The following RBFOX1 variants were observed in gnomAD, a reference collection of about 807,000 sequenced individuals.
RBFOX1 encodes the protein RNA binding fox-1 homolog 1.
A neutral mutation model predicts 57.7 loss-of-function variants in RBFOX1; 8 were observed. The ratio of observed to expected loss-of-function variants is 0.14; its 90% CI spans 0.08 to 0.25. RBFOX1 has a LOEUF of 0.25. RBFOX1 is among the 10% of genes least tolerant of loss of function. The pLI, the probability that RBFOX1 is intolerant of heterozygous loss-of-function variation, is 1.00. For missense variants in RBFOX1, 611 were observed against 548.5 expected (o/e 1.11, Z -1.14); for synonymous variants, 326 against 222.4 (o/e 1.47, Z -4.15).
intron 4 of RBFOX1, among the ~76,000 whole-genome samples, chr16:7,134,550 TC>T (rs1192849171): frequency 1.3e-5 from 2 of 152,180 alleles, no homozygotes; most frequent in Non-Finnish European, 2.9e-5. Flanking sequence ...ATTCACAGTT[TC>T]CAAATTGCTA....
At chr16:7,015,401 G>C (rs915370923) in intron 3 of RBFOX1, among the ~76,000 whole-genome samples, 4 of 152,226 alleles carry the variant, frequency 2.6e-5, no homozygotes, top group South Asian at 2.1e-4. Flanking sequence ...AAAGAAACTT[G>C]AGCCGTATTA....
In RBFOX1 at chr16:6,692,508, A is replaced by T. The variant is rs1022261144; in HGVS notation, c.-16+37858A>T. On this transcript the variant is annotated intron_variant, in intron 3 of 15. Transcript: ENST00000550418. ...CCTGTGGCCTAACAAAGAAACAAAC[A>T]GCATGTGTCGGCCTCCTGGTTCCTC... is the stretch of plus-strand genomic sequence containing the variant. 2.0e-5 allele frequency among the ~76,000 whole-genome samples: 3 copies of T among 152,190 alleles called. No individual in the cohort carries two copies. The South Asian group carries it at 6.2e-4, about 31-fold the overall frequency.
intron 2 of RBFOX1, among the ~76,000 whole-genome samples, chr16:6,323,875 C>G (rs1445502465): frequency 3.3e-5 from 5 of 151,988 alleles, no homozygotes; most frequent in Admixed American, 3.3e-4. Flanking sequence ...AAGATTCAAG[C>G]TATTCTTGTG....
intron 4 of RBFOX1, among the ~76,000 whole-genome samples, chr16:7,229,615 G>A (rs1426202973): frequency 3.2e-5 from 4 of 126,818 alleles, no homozygotes; most frequent in Non-Finnish European, 6.4e-5. Context: ...GGAAGGAGAA[G>A]AAAGATGGAG....
intron 2 of RBFOX1, among the ~76,000 whole-genome samples, chr16:6,558,479 A>C (rs1437862590): frequency 6.6e-6 from 1 of 152,022 alleles, no homozygotes; most frequent in Non-Finnish European, 1.5e-5. Context: ...GAACTGTATG[A>C]CTTGAGTCAT....
intron 4 of RBFOX1, among the ~76,000 whole-genome samples, chr16:7,366,299 G>A (rs1431656851): frequency 6.6e-6 from 1 of 152,232 alleles, no homozygotes; most frequent in Non-Finnish European, 1.5e-5. Context: ...ATGTCACTTA[G>A]CCATTGCCAG....
At chr16:6,536,341 T>C (rs1599160847) in intron 2 of RBFOX1, among the ~76,000 whole-genome samples, 1 of 152,222 alleles carries the variant, frequency 6.6e-6, no homozygotes, top group East Asian at 1.9e-4. Context: ...ATTTATGTTT[T>C]TACCAGCATG....
intron 3 of RBFOX1, among the ~76,000 whole-genome samples, chr16:5,793,028 C>T (rs1214756371): frequency 2.0e-5 from 3 of 152,132 alleles, no homozygotes; most frequent in Non-Finnish European, 4.4e-5. Flanking sequence ...GAAATGAACC[C>T]CTGCAGTTCA....
intron 4 of RBFOX1, among the ~76,000 whole-genome samples, chr16:5,919,100 C>T (rs1360135593): frequency 6.6e-6 from 1 of 152,152 alleles, no homozygotes; most frequent in African/African-American, 2.4e-5. Context: ...CCTGATAGCA[C>T]ATAGGTACCT....
At chr16:7,374,979 A>C (rs765735127) in intron 4 of RBFOX1, among the ~76,000 whole-genome samples, 1 of 152,250 alleles carries the variant, frequency 6.6e-6, no homozygotes, top group South Asian at 2.1e-4. Context: ...TGTGTACAAC[A>C]TCTGTCTTGG....
intron 2 of RBFOX1, among the ~76,000 whole-genome samples, chr16:6,496,739 C>T (rs186406791): frequency 1.1e-4 from 16 of 152,170 alleles, no homozygotes; most frequent in Admixed American, 6.5e-5. Context: ...GTGGGTGGAT[C>T]GCTTGAGGTC....
intron 14 of RBFOX1, among the ~76,000 whole-genome samples, chr16:7,679,434 G>A (rs190535851): frequency 6.4e-4 from 97 of 152,170 alleles, no homozygotes; most frequent in East Asian, 2.1e-3. Flanking sequence ...GAAAAACTTC[G>A]TCCAAAATAG....
chr16:7,574,256 C>G (rs980331217), intron 5 of RBFOX1, among the ~76,000 whole-genome samples: 4 of 152,166 alleles, frequency 2.6e-5, no homozygotes, highest in Non-Finnish European at 5.9e-5. Flanking sequence ...GAGAGGAAGA[C>G]TTAAGTGTTC....
At chr16:6,422,679 G>A (rs138397317) in intron 2 of RBFOX1, among the ~76,000 whole-genome samples, 10 of 152,184 alleles carry the variant, frequency 6.6e-5, no homozygotes, top group Non-Finnish European at 8.8e-5. Flanking sequence ...GAGGGGCGGC[G>A]CTGAACGCTT....
In RBFOX1 at chr16:6,253,699, G is replaced by GTGTGTA. The variant is rs71145205; in HGVS notation, c.-126-63295_-126-63294insGTGTAT. 4.6e-3 allele frequency among the ~76,000 whole-genome samples: 649 copies of GTGTGTA among 142,480 alleles called. 2 individuals are homozygous for GTGTGTA. Among genetic ancestry groups the GTGTGTA allele is most frequent in the Non-Finnish European group, 7.5e-3 (488 of 65,350 alleles). The allele number at this position is 142,480 out of a possible 152,430, so 93.5% of individuals were successfully genotyped here. ...CATGTGTGTGTGTGTGTGTGTGTGTGTATATATATATATATGTACCTATAC... is the reference window on the plus strand; with the variant it reads ...CATGTGTGTGTGTGTGTGTGTGTGTGTGTGTATATATATATATATATGTACCTATAC... On this transcript the variant is annotated intron_variant, in intron 1 of 15. Transcript: ENST00000550418.
At chr16:6,181,922 C>T (rs2097066298) in intron 1 of RBFOX1, among the ~76,000 whole-genome samples, 1 of 17,036 alleles carries the variant, frequency 5.9e-5, no homozygotes, top group Non-Finnish European at 2.6e-4. Context: ...GCTCAGTTTC[C>T]ATCGATGGGG....
At chr16:6,897,035 G>T (rs112457190) in intron 3 of RBFOX1, among the ~76,000 whole-genome samples, 2 of 152,150 alleles carry the variant, frequency 1.3e-5, no homozygotes, top group African/African-American at 4.8e-5. Context: ...CCTGTGCCCA[G>T]ACCTGAGCTC....
At chr16:6,638,161 T>G (rs2098460130) in intron 2 of RBFOX1, among the ~76,000 whole-genome samples, 1 of 152,130 alleles carries the variant, frequency 6.6e-6, no homozygotes, top group Admixed American at 6.6e-5. Context: ...TTATTTTTAA[T>G]TGTCTTCTTG....
intron 3 of RBFOX1, among the ~76,000 whole-genome samples, chr16:6,695,280 G>A (rs115959127): frequency 0.011 from 1,648 of 151,984 alleles, 26 homozygotes; most frequent in African/African-American, 0.038. Context: ...TTAGCTGGGC[G>A]TGGTGGTGAG....
Sources: allele counts gnomAD v4.1 joint callset (sites outside exome capture counted in the v4.1 genomes callset), GRCh38; gene constraint gnomAD v4.1.1; transcripts MANE v1.5; gene names NCBI Gene and HGNC (gene_info 2026-07-23, HGNC 2026-07-21).